GALNT5: variants seen among roughly 807,000 people sequenced by gnomAD.
GALNT5 encodes UDP-GalNAc:polypeptide N-acetylgalactosaminyltransferase 5.
In GALNT5, 72 loss-of-function variants were observed where a neutral mutation model predicts 85.4. The observed-to-expected ratio is 0.84, with a 90% CI of 0.70 to 1.03. GALNT5 has a LOEUF of 1.03. Among genes scored for constraint, GALNT5 ranks in the 50% least tolerant of loss-of-function variants. The pLI is 0.00. For synonymous variants in GALNT5, 404 were observed against 397.0 expected (o/e 1.02, Z -0.21); for missense variants, 1,137 against 1,135.5 (o/e 1.00, Z -0.02).
At chr2:157,299,064 G>A (rs12694908) in intron 5 of GALNT5, 149,469 of 157,326 alleles carry the variant, frequency 0.95, 71,109 homozygotes, top group East Asian at 1. Flanking sequence ...GCGGTGAGGG[G>A]GGAAGGAGAC....
intron 6 of GALNT5, among the ~76,000 whole-genome samples, chr2:157,300,140 C>A (rs891239826): frequency 1.3e-5 from 2 of 152,216 alleles, no homozygotes; most frequent in African/African-American, 4.8e-5. Context: ...ATCTATTATA[C>A]AATCATTGAT....
Position 157,290,092 on chromosome 2 carries a change from TA to T in GALNT5, c.1741+3959del, listed in dbSNP as rs1683063860. On this transcript the variant is annotated intron_variant, in intron 3 of 9. Coordinates refer to ENST00000259056, the MANE Select transcript of GALNT5 (RefSeq NM_014568.3). ...CTGTCTCAAAAAAAAAAAATGTATA[TA>T]TATATATATATATATATATACATAC... is the stretch of plus-strand genomic sequence containing the variant. Among the ~76,000 whole-genome samples, 13 of 8,208 alleles carry T rather than the reference TA, an allele frequency of 1.6e-3. 1 individual carries two copies. Among genetic ancestry groups the T allele is most frequent in the Admixed American group, 5.9e-3 (5 of 842 alleles). The allele number at this position is 8,208 out of a possible 152,430, so 5.4% of individuals were successfully genotyped here.
At chr2:157,275,278 G>C (rs1291068034) in intron 1 of GALNT5, among the ~76,000 whole-genome samples, 1 of 152,114 alleles carries the variant, frequency 6.6e-6, no homozygotes, top group Non-Finnish European at 1.5e-5. Context: ...CGCCAGCTTT[G>C]TTCTTTTCGC....
Position 157,316,242 on chromosome 2 carries a change from C to A in GALNT5, c.*4894C>A, listed in dbSNP as rs546527964. Among the ~76,000 whole-genome samples, 1 of 152,092 alleles carries A rather than the reference C, an allele frequency of 6.6e-6. No homozygotes were observed. Among genetic ancestry groups the A allele is most frequent in the East Asian group, 1.9e-4 (1 of 5,172 alleles). On this transcript the variant is annotated 3_prime_UTR_variant, in exon 10 of 10. Coordinates refer to ENST00000259056, the MANE Select transcript of GALNT5 (RefSeq NM_014568.3). ...CAGCTGCTAGCTTTACATATGGGAG[C>A]CTCTAGCTTGCATATCTATACTTGC...
At chr2:157,286,599 G>A (rs1682978596) in intron 3 of GALNT5, among the ~76,000 whole-genome samples, 2 of 152,054 alleles carry the variant, frequency 1.3e-5, no homozygotes, top group South Asian at 2.1e-4. Context: ...CGCCTCCCTC[G>A]TTCACACCGT....
At chr2:157,298,616 T>C (rs923660775) in intron 5 of GALNT5, among the ~76,000 whole-genome samples, 11 of 152,204 alleles carry the variant, frequency 7.2e-5, no homozygotes, top group African/African-American at 2.7e-4. Flanking sequence ...ACTCCCACCC[T>C]GTGGAGCGCT....
chr2:157,282,733 C>CA (rs11408490), intron 1 of GALNT5, among the ~76,000 whole-genome samples: 23,464 of 151,508 alleles, frequency 0.15, 3,891 homozygotes, highest in African/African-American at 0.41. Context: ...GCCCATTCTA[C>CA]AAAAAAAACC....
At chr2:157,290,332 A>G (rs1016656200) in intron 3 of GALNT5, among the ~76,000 whole-genome samples, 1 of 152,064 alleles carries the variant, frequency 6.6e-6, no homozygotes, top group African/African-American at 2.4e-5. Context: ...GGAAAGAAGA[A>G]AGGTTTGTCT....
chr2:157,309,591 T>A (rs1467657786), intron 9 of GALNT5, among the ~76,000 whole-genome samples: 3 of 152,196 alleles, frequency 2.0e-5, no homozygotes, highest in African/African-American at 7.2e-5. Flanking sequence ...AGTAAATATT[T>A]GGGTATTTGG....
rs149923753 is a variant in GALNT5 at position 157,263,107 on chromosome 2, G to A, written c.1454+3571G>A. Reference sequence around the variant, plus strand: ...CTCCCAAAATGCTGGGATTGCAGGCGTGAGCCACCGCATCCGGCCCACACC... The same window carrying A: ...CTCCCAAAATGCTGGGATTGCAGGCATGAGCCACCGCATCCGGCCCACACC... On this transcript the variant is annotated intron_variant, in intron 1 of 9. Transcript: ENST00000259056. Among the ~76,000 whole-genome samples, 1,136 of 151,708 alleles carry A rather than the reference G, an allele frequency of 7.5e-3. 49 individuals are homozygous for A. Among genetic ancestry groups the A allele is most frequent in the African/African-American group, 0.026 (1,062 of 41,048 alleles).
chr2:157,275,183 T>C (rs1682693092), intron 1 of GALNT5, among the ~76,000 whole-genome samples: 1 of 152,204 alleles, frequency 6.6e-6, no homozygotes, highest in Non-Finnish European at 1.5e-5. Flanking sequence ...GTTCCATTCG[T>C]CCATATATCT....
intron 1 of GALNT5, among the ~76,000 whole-genome samples, chr2:157,280,774 T>C (rs1012727046): frequency 3.3e-5 from 5 of 152,198 alleles, no homozygotes; most frequent in Non-Finnish European, 7.3e-5. Flanking sequence ...GGCAGATCTA[T>C]AATGGATGAC....
rs755059403 is a variant in GALNT5 at position 157,308,662 on chromosome 2, T to C, written c.2616T>C (p.Pro872=). ...ATAAAGGAGCCGTAAGGCTGCACCCTTGTGATAACAGAAACAAAGGGCTAA... is the reference window on the plus strand; with the variant it reads ...ATAAAGGAGCCGTAAGGCTGCACCCCTGTGATAACAGAAACAAAGGGCTAA... ...IPDKGAVRLH[P]CDNRNKGLKW... The change falls in exon 9 of 10, where the codon CCT becomes CCC. Residue 872 remains proline, a synonymous_variant. Coordinates refer to ENST00000259056, the MANE Select transcript of GALNT5 (RefSeq NM_014568.3). 3 of 1,613,722 alleles carry C rather than the reference T, an allele frequency of 1.9e-6. No homozygotes were observed. The highest frequency in any genetic ancestry group is 2.2e-5 in the South Asian group (2 of 91,084).
intron 1 of GALNT5, among the ~76,000 whole-genome samples, chr2:157,264,909 T>C (rs530967357): frequency 1.3e-5 from 2 of 152,274 alleles, no homozygotes; most frequent in African/African-American, 2.4e-5. Flanking sequence ...CAAATCTTAA[T>C]TGATGAAATG....
At chr2:157,261,394 A>G (rs1004136488) in intron 1 of GALNT5, among the ~76,000 whole-genome samples, 4 of 152,232 alleles carry the variant, frequency 2.6e-5, no homozygotes, top group Non-Finnish European at 1.5e-5. Flanking sequence ...GTTCTGTAGA[A>G]GTTAAGCATT....
intron 7 of GALNT5, among the ~76,000 whole-genome samples, chr2:157,304,261 C>A (rs1481072664): frequency 6.6e-6 from 1 of 152,186 alleles, no homozygotes; most frequent in Non-Finnish European, 1.5e-5. Flanking sequence ...TAACAGTGAG[C>A]TGTCTCCTCC....
At chr2:157,276,852 C>A (rs1682739809) in intron 1 of GALNT5, among the ~76,000 whole-genome samples, 1 of 151,978 alleles carries the variant, frequency 6.6e-6, no homozygotes, top group African/African-American at 2.4e-5. Flanking sequence ...TTATTTCTTG[C>A]CTTCTGCTAG....
At chr2:157,281,231 A>G (rs1019824985) in intron 1 of GALNT5, among the ~76,000 whole-genome samples, 2 of 152,060 alleles carry the variant, frequency 1.3e-5, no homozygotes, top group Non-Finnish European at 2.9e-5. Context: ...TGCCCAGCTA[A>G]TTTTTGTATT....
rs1682239182 is a variant in GALNT5 at position 157,258,336 on chromosome 2, C to T, written c.254C>T (p.Ala85Val). 8.7e-6 allele frequency: 14 copies of T among 1,601,704 alleles called. No individual in the cohort carries two copies. The highest frequency in any genetic ancestry group is 8.5e-6 in the Non-Finnish European group (10 of 1,175,432). ...KPPLRGHGKGAWGKENVRKTE... is the reference protein window; with the variant it reads ...KPPLRGHGKGVWGKENVRKTE... ...CCCCTAAGGGGACATGGGAAAGGGGCATGGGGCAAAGAGAATGTTAGAAAA... is the reference window on the plus strand; with the variant it reads ...CCCCTAAGGGGACATGGGAAAGGGGTATGGGGCAAAGAGAATGTTAGAAAA... The change falls in exon 1 of 10, where the codon GCA becomes GTA. Residue 85 changes from alanine (A) to valine (V), a missense_variant. Ala to Val is a moderately conservative substitution (Grantham distance 64). Coordinates refer to ENST00000259056, the MANE Select transcript of GALNT5 (RefSeq NM_014568.3).
Sources: gnomAD v4.1 joint callset for allele counts (sites outside exome capture counted in the v4.1 genomes callset) on GRCh38, gnomAD v4.1.1 for gene constraint, MANE v1.5 for transcripts, NCBI Gene and HGNC (gene_info 2026-07-23, HGNC 2026-07-21) for gene names.